CDH4: variants seen among roughly 807,000 people sequenced by gnomAD.
The protein encoded by CDH4 is cadherin 4.
CDH4 carries 33 observed loss-of-function variants against 86.0 expected under a neutral mutation model. That is an observed-to-expected ratio of 0.38 (90% CI 0.29 to 0.51). The LOEUF (loss-of-function observed/expected upper bound fraction) is 0.51, where lower values mean the gene tolerates loss of function less well. Ranked by LOEUF, CDH4 falls within the 20% of genes least tolerant of loss-of-function variation. CDH4 has a pLI of 0.86. For missense variants in CDH4, 1,114 were observed against 1,307.4 expected (o/e 0.85, Z 2.28); for synonymous variants, 555 against 549.4 (o/e 1.01, Z -0.14).
Position 61,810,126 on chromosome 20 carries a change from G to C in CDH4, c.577-34542G>C, listed in dbSNP as rs927743413. Among the ~76,000 whole-genome samples, 1 of 152,180 alleles carries C rather than the reference G, an allele frequency of 6.6e-6. No homozygotes were observed. Among genetic ancestry groups the C allele is most frequent in the Non-Finnish European group, 1.5e-5 (1 of 68,034 alleles). ...TCAGACCTGGACGGGCCTCAGCCGG[G>C]GTGGGGTGGGGGGCACCTGAGCCTA... is the stretch of plus-strand genomic sequence containing the variant. On this transcript the variant is annotated intron_variant, in intron 4 of 15. Coordinates refer to ENST00000614565, the MANE Select transcript of CDH4 (RefSeq NM_001794.5). This position sits in a 1 kb window ranked among gnomAD's most constrained non-coding sequence, Gnocchi z 4.3.
intron 2 of CDH4, among the ~76,000 whole-genome samples, chr20:61,621,067 C>A (rs2086773286): frequency 6.6e-6 from 1 of 152,238 alleles, no homozygotes. Context: ...TCCAACCACA[C>A]TGTTAATATT....
intron 4 of CDH4, among the ~76,000 whole-genome samples, chr20:61,834,302 T>G (rs956898035): frequency 3.3e-5 from 5 of 152,182 alleles, no homozygotes; most frequent in Non-Finnish European, 5.9e-5. Context: ...CTGGGGCCTG[T>G]GGCCTAGGAT....
intron 2 of CDH4, among the ~76,000 whole-genome samples, chr20:61,723,981 G>GC (rs377437441): frequency 1.5e-5 from 1 of 66,466 alleles, no homozygotes; most frequent in Admixed American, 1.8e-4. Context: ...ATGTGGCAGG[G>GC]GGGTAGGTCC....
rs532434024 is a variant in CDH4, at chr20:61,257,638, C to T, written c.169+2701C>T. Among the ~76,000 whole-genome samples the T allele has an allele frequency of 2.6e-5, 4 of 152,322 alleles. No individual in the cohort carries two copies. In the South Asian group the frequency reaches 6.2e-4, roughly 24 times the overall value. On this transcript the variant is annotated intron_variant, in intron 2 of 15. Coordinates refer to ENST00000614565, the MANE Select transcript of CDH4 (RefSeq NM_001794.5). ...ATGGCCCTGATCACTGATGCATGGC[C>T]GTATCTAAAATAGGACGGTGAAGCC...
intron 2 of CDH4, among the ~76,000 whole-genome samples, chr20:61,409,858 C>T (rs754693982): frequency 9.2e-5 from 14 of 152,326 alleles, no homozygotes; most frequent in Admixed American, 4.6e-4. Flanking sequence ...TCATAATTAA[C>T]GGTTGGGGGG....
intron 2 of CDH4, among the ~76,000 whole-genome samples, chr20:61,312,220 G>A (rs1386200066): frequency 6.7e-6 from 1 of 150,236 alleles, no homozygotes; most frequent in African/African-American, 2.5e-5. Flanking sequence ...TGTGCGGTGT[G>A]TGTGTGGTGT....
intron 4 of CDH4, among the ~76,000 whole-genome samples, chr20:61,803,825 T>C (rs1023769198): frequency 6.6e-6 from 1 of 152,148 alleles, no homozygotes; most frequent in African/African-American, 2.4e-5. Context: ...CTTAGAAAAC[T>C]CAAAACTGAA....
At chr20:61,802,610 T>G (rs943573507) in intron 4 of CDH4, among the ~76,000 whole-genome samples, 1 of 152,104 alleles carries the variant, frequency 6.6e-6, no homozygotes, top group African/African-American at 2.4e-5. Context: ...ACGCGTGGGT[T>G]TTTCGCTTGC....
intron 3 of CDH4, among the ~76,000 whole-genome samples, chr20:61,747,113 T>C (rs1199020284): frequency 1.3e-5 from 2 of 151,780 alleles, no homozygotes; most frequent in East Asian, 1.9e-4. Flanking sequence ...GGACAAGACA[T>C]AGAAAGAACA....
intron 2 of CDH4, among the ~76,000 whole-genome samples, chr20:61,573,341 T>C (rs139638649): frequency 3.9e-5 from 6 of 152,364 alleles, no homozygotes; most frequent in Non-Finnish European, 5.9e-5. Context: ...ATGGCTCTTA[T>C]TGGCATTTGC....
chr20:61,660,961 T>C (rs1221554077), intron 2 of CDH4, among the ~76,000 whole-genome samples: 3 of 152,028 alleles, frequency 2.0e-5, no homozygotes, highest in African/African-American at 7.2e-5. Flanking sequence ...TAATGAGTCC[T>C]CCATCCTTTT....
chr20:61,615,805 A>T (rs546563682), intron 2 of CDH4, among the ~76,000 whole-genome samples: 11 of 152,344 alleles, frequency 7.2e-5, no homozygotes, highest in Admixed American at 4.6e-4. Flanking sequence ...ATTTTGGGTG[A>T]TGGTGAGGAC....
Position 61,501,941 on chromosome 20 carries a change from G to C in CDH4, c.170-241622G>C, listed in dbSNP as rs1008186187. On this transcript the variant is annotated intron_variant, in intron 2 of 15. Transcript: ENST00000614565. This position sits in a 1 kb window ranked among gnomAD's most constrained non-coding sequence, Gnocchi z 4.2. The stretch of plus-strand genomic sequence containing the variant: ...AGGAATGCCTGAGTGAGGACCCCGT[G>C]TAAAGTAAGATGAACCGAGTGGGCA... 2.0e-5 allele frequency among the ~76,000 whole-genome samples: 3 copies of C among 152,150 alleles called. No individual in the cohort carries two copies. The highest frequency in any genetic ancestry group is 2.4e-5 in the African/African-American group (1 of 41,430).
intron 4 of CDH4, among the ~76,000 whole-genome samples, chr20:61,798,323 G>A (rs1022240902): frequency 1.3e-5 from 2 of 152,184 alleles, no homozygotes; most frequent in Middle Eastern, 3.2e-3. Flanking sequence ...CCCTCGCTGC[G>A]CCTCAGCCTC....
intron 2 of CDH4, among the ~76,000 whole-genome samples, chr20:61,389,525 T>C (rs2084969554): frequency 6.6e-6 from 1 of 152,190 alleles, no homozygotes; most frequent in Non-Finnish European, 1.5e-5. Context: ...AATGTATGAT[T>C]TGATTTGTAT....
intron 5 of CDH4, among the ~76,000 whole-genome samples, chr20:61,849,317 G>A (rs1182774532): frequency 2.6e-5 from 4 of 152,198 alleles, no homozygotes; most frequent in African/African-American, 9.7e-5. Flanking sequence ...GCCCACCAGG[G>A]TCTTTGGGGG....
intron 8 of CDH4, among the ~76,000 whole-genome samples, chr20:61,908,081 C>T (rs1161800722): frequency 6.6e-6 from 1 of 152,134 alleles, no homozygotes; most frequent in East Asian, 1.9e-4. Context: ...GCTTAGAGCC[C>T]CAGGTCGAGG....
chr20:61,345,306 A>C (rs750394743), intron 2 of CDH4, among the ~76,000 whole-genome samples: 33 of 152,260 alleles, frequency 2.2e-4, no homozygotes, highest in Non-Finnish European at 3.8e-4. Flanking sequence ...TCTCACCTGG[A>C]ATAGTTTTAA....
At chr20:61,738,744 A>G (rs141021168) in intron 2 of CDH4, 2 of 152,120 alleles carry the variant, frequency 1.3e-5, no homozygotes, top group African/African-American at 4.8e-5. Flanking sequence ...GGAAGAACCA[A>G]CCCTGCTGGA....
Sources: allele counts gnomAD v4.1 joint callset (sites outside exome capture counted in the v4.1 genomes callset), GRCh38; gene constraint gnomAD v4.1.1; non-coding constraint Gnocchi (gnomAD v3.1); transcripts MANE v1.5; gene names NCBI Gene and HGNC (gene_info 2026-07-23, HGNC 2026-07-21).